Variants in ZNF345 observed in about 807,000 individuals in gnomAD.
The protein encoded by ZNF345 is zinc finger protein HZF10.
For missense variants in ZNF345, 527 were observed against 589.9 expected, an observed-to-expected ratio of 0.89 and a Z score of 1.10; for synonymous variants, 166 against 187.9, an observed-to-expected ratio of 0.88 and a Z score of 0.95.
chr19:36,858,617 A>G (rs1453581841), intron 2 of ZNF345, among the ~76,000 whole-genome samples: 3 of 152,114 alleles, frequency 2.0e-5, no homozygotes, highest in Non-Finnish European at 4.4e-5. Context: ...AAATAGAAAA[A>G]TTAGCTGGGT....
intron 2 of ZNF345, among the ~76,000 whole-genome samples, chr19:36,869,983 G>A (rs2146182401): frequency 6.6e-6 from 1 of 152,256 alleles, no homozygotes; most frequent in South Asian, 2.1e-4. Flanking sequence ...GTTTCACCAT[G>A]TGGGCCAGGC....
chr19:36,865,617 C>T (rs934909029), intron 2 of ZNF345, among the ~76,000 whole-genome samples: 5 of 152,064 alleles, frequency 3.3e-5, no homozygotes, highest in East Asian at 1.9e-4. Context: ...TGTGCCACCA[C>T]GCCCAGCTAC....
chr19:36,868,782 C>T (rs1372218169), intron 2 of ZNF345, among the ~76,000 whole-genome samples: 4 of 151,820 alleles, frequency 2.6e-5, no homozygotes, highest in African/African-American at 7.3e-5. Context: ...CGTGCCACCA[C>T]GCCCAGCTAA....
At chr19:36,855,472 T>TA (rs71171473) in intron 2 of ZNF345, among the ~76,000 whole-genome samples, 1 of 144,550 alleles carries the variant, frequency 6.9e-6, no homozygotes, top group Non-Finnish European at 1.5e-5. Flanking sequence ...TTTTTTTTTT[T>TA]AAACAGAGTT....
chr19:36,850,949 C>G lies in ZNF345; in HGVS notation c.-141C>G, dbSNP rs2072247053. 6.6e-6 allele frequency: 1 copy of G among 152,508 alleles called. No homozygotes were observed. The highest frequency in any genetic ancestry group is 1.5e-5 in the Non-Finnish European group (1 of 68,192). The allele number at this position is 152,508 out of a possible 1,614,324, so 9.4% of individuals were successfully genotyped here. A position where few individuals can be genotyped will look rare whatever the true frequency, so the allele number is the denominator to read the frequency against. On this transcript the variant is annotated 5_prime_UTR_variant, in exon 1 of 3. Coordinates refer to ENST00000420450, the MANE Select transcript of ZNF345 (RefSeq NM_001242472.2). ...TTGTGTGGATTCTAGTAGAACGGAG[C>G]TGACCCTATCCGAACAGGCGTAAGT...
At chr19:36,860,354 C>T (rs907286448) in intron 2 of ZNF345, among the ~76,000 whole-genome samples, 1 of 152,144 alleles carries the variant, frequency 6.6e-6, no homozygotes, top group African/African-American at 2.4e-5. Context: ...TTATATGATA[C>T]TCTAATCCAT....
intron 3 of ZNF345, among the ~76,000 whole-genome samples, chr19:36,886,126 ACT>A (rs1226123442): frequency 6.6e-6 from 1 of 152,240 alleles, no homozygotes; most frequent in Non-Finnish European, 1.5e-5. Context: ...ATGCATTCAT[ACT>A]GATATGACTA....
intron 2 of ZNF345, among the ~76,000 whole-genome samples, chr19:36,860,234 G>A (rs2090990596): frequency 6.6e-6 from 1 of 152,202 alleles, no homozygotes; most frequent in Admixed American, 6.5e-5. Flanking sequence ...TGGGATTACA[G>A]GCATGAGCCA....
intron 2 of ZNF345, among the ~76,000 whole-genome samples, chr19:36,862,291 C>G (rs1307712885): frequency 6.6e-6 from 1 of 152,028 alleles, no homozygotes; most frequent in African/African-American, 2.4e-5. Flanking sequence ...TTGTTAGTTC[C>G]TACCGTTTGG....
intron 2 of ZNF345, among the ~76,000 whole-genome samples, chr19:36,855,150 CT>C (rs34077053): frequency 4.2e-5 from 6 of 143,036 alleles, no homozygotes; most frequent in Admixed American, 7.0e-5. Context: ...CACGCCCAGC[CT>C]TTTTTTTTTG....
chr19:36,882,183 T>G (rs2072972447), downstream of ZNF345, among the ~76,000 whole-genome samples: 1 of 152,136 alleles, frequency 6.6e-6, no homozygotes, highest in Admixed American at 6.6e-5. Flanking sequence ...GTACATGTGC[T>G]TGGTTAATAT....
In ZNF345 at chr19:36,878,727, A is replaced by T. The variant is rs2072941174; in HGVS notation, c.*430A>T. On this transcript the variant is annotated 3_prime_UTR_variant, in exon 3 of 3. Transcript: ENST00000420450. The stretch of plus-strand genomic sequence containing the variant: ...TTTCTTTCCTGATTATCCTAACACC[A>T]TTTATTCAATAACCTTGTCCATTTT... The T allele has an allele frequency of 1.2e-5, 2 of 168,152 alleles. No homozygotes were observed. Among genetic ancestry groups the T allele is most frequent in the South Asian group, 4.1e-4 (2 of 4,856 alleles). The allele number at this position is 168,152 out of a possible 1,614,324, so 10.4% of individuals were successfully genotyped here.
chr19:36,883,604 T>G (rs1401918463), downstream of ZNF345, among the ~76,000 whole-genome samples: 1 of 152,252 alleles, frequency 6.6e-6, no homozygotes, highest in Non-Finnish European at 1.5e-5. Context: ...CAGACTGATA[T>G]ACATTTACAG....
chr19:36,868,294 G>A (rs763234077), intron 2 of ZNF345, among the ~76,000 whole-genome samples: 3 of 152,018 alleles, frequency 2.0e-5, no homozygotes, highest in African/African-American at 7.3e-5. Context: ...GAGCCACCGC[G>A]CCCGGCCTTG....
chr19:36,873,489 T>C (rs2072812308), intron 2 of ZNF345, among the ~76,000 whole-genome samples: 1 of 152,200 alleles, frequency 6.6e-6, no homozygotes, highest in African/African-American at 2.4e-5. Context: ...TGTGTGTGTG[T>C]GGCAAGAGCA....
intron 2 of ZNF345, among the ~76,000 whole-genome samples, chr19:36,860,049 C>T (rs189758312): frequency 6.6e-6 from 1 of 152,268 alleles, no homozygotes; most frequent in Non-Finnish European, 1.5e-5. Context: ...GTGCCGCCTC[C>T]TGGGTACACT....
At chr19:36,863,752 G>T (rs1280849201) in intron 2 of ZNF345, among the ~76,000 whole-genome samples, 2 of 152,152 alleles carry the variant, frequency 1.3e-5, no homozygotes, top group Non-Finnish European at 2.9e-5. Context: ...TTCTCTTTAT[G>T]CATTTAAGTT....
chr19:36,882,663 T>C (rs2072975927), downstream of ZNF345, among the ~76,000 whole-genome samples: 6 of 152,302 alleles, frequency 3.9e-5, no homozygotes, highest in South Asian at 1.2e-3. Context: ...TGTTTGTGTG[T>C]GTTTCTAAAT....
At chr19:36,852,103 CTTTTTCTTTTT>C (rs1296319648) in intron 2 of ZNF345, among the ~76,000 whole-genome samples, 199 bp downstream of exon 2, 2 of 128,836 alleles carry the variant, frequency 1.6e-5, no homozygotes. Context: ...TTTAATTTTT[CTTTTTCTTTTT>C]TTTTTCTTTC....
Sources: gnomAD v4.1 joint callset for allele counts (sites outside exome capture counted in the v4.1 genomes callset) on GRCh38, gnomAD v4.1.1 for gene constraint, MANE v1.5 for transcripts, NCBI Gene and HGNC (gene_info 2026-07-23, HGNC 2026-07-21) for gene names.